The following DIS3L variants were observed in gnomAD, a reference collection of about 807,000 sequenced individuals.
The protein encoded by DIS3L is DIS3 like exosome 3'-5' exoribonuclease.
DIS3L carries 100 observed loss-of-function variants against 120.3 expected under a neutral mutation model. That is an observed-to-expected ratio of 0.83 (90% CI 0.71 to 0.98). The LOEUF (loss-of-function observed/expected upper bound fraction) is 0.98. Among genes scored for constraint, DIS3L ranks in the 50% least tolerant of loss-of-function variants. The probability of loss-of-function intolerance (pLI) is 0.00; values close to 1 mark genes in which losing one functional copy is unlikely to be tolerated. For missense variants in DIS3L, 1,196 were observed against 1,314.2 expected (o/e 0.91, Z 1.39); for synonymous variants, 426 against 470.6 (o/e 0.91, Z 1.23).
chr15:66,325,321 A>G (rs2092924455), intron 11 of DIS3L, among the ~76,000 whole-genome samples: 1 of 152,078 alleles, frequency 6.6e-6, no homozygotes, highest in Non-Finnish European at 1.5e-5. Flanking sequence ...TTGAACCAGG[A>G]AGAGGTAGGT....
Position 66,331,963 on chromosome 15 carries a change from T to C in DIS3L, c.2624T>C (p.Ile875Thr). The C allele has an allele frequency of 8.7e-6, 14 of 1,613,476 alleles. No individual in the cohort carries two copies. Among genetic ancestry groups the C allele is most frequent in the Non-Finnish European group, 1.1e-5 (13 of 1,179,732 alleles). The change falls in exon 15 of 17, where the codon ATA (isoleucine) becomes ACA (threonine). Residue 875 changes from isoleucine (I) to threonine (T), a missense_variant. Transcript: ENST00000319212. Reference protein sequence around the residue: ...DKDPATEERCISDGVIYSIRT... With the variant: ...DKDPATEERCTSDGVIYSIRT... Reference sequence around the variant, plus strand: ...GACCCTGCCACCGAGGAGCGTTGCATATCTGACGGAGTTATTTATTCAATT... The same window carrying C: ...GACCCTGCCACCGAGGAGCGTTGCACATCTGACGGAGTTATTTATTCAATT...
At chr15:66,330,556 A>C in intron 14 of DIS3L, 1 of 983,490 alleles carries the variant, frequency 1.0e-6, no homozygotes, top group Non-Finnish European at 1.2e-6. Flanking sequence ...AGCACTAGCC[A>C]TGTGGACTAC....
At chr15:66,303,379 C>T (rs1366964316) in intron 2 of DIS3L, among the ~76,000 whole-genome samples, 1 of 152,146 alleles carries the variant, frequency 6.6e-6, no homozygotes, top group Non-Finnish European at 1.5e-5. Context: ...TGGGGCACTG[C>T]CCTATCTATG....
Position 66,320,656 on chromosome 15 carries a change from T to C in DIS3L, c.1250T>C (p.Ile417Thr), listed in dbSNP as rs142873874. Residue 417 changes from isoleucine (I) to threonine (T), a missense_variant, in exon 9 of 17, where the codon ATC (isoleucine) becomes ACC (threonine). Ile to Thr is a moderately conservative substitution (Grantham distance 89, BLOSUM62 -1). Transcript: ENST00000319212. ...NGHFVRVLGRIGDLEGEIATI... is the reference protein window; with the variant it reads ...NGHFVRVLGRTGDLEGEIATI... ...CATTTTGTGCGTGTTTTAGGAAGAATCGGAGATCTGGAAGGGGAAATTGCA... is the reference window on the plus strand; with the variant it reads ...CATTTTGTGCGTGTTTTAGGAAGAACCGGAGATCTGGAAGGGGAAATTGCA... The C allele has an allele frequency of 2.1e-4, 338 of 1,614,034 alleles. No homozygotes were observed. The highest frequency in any genetic ancestry group is 2.7e-4 in the Non-Finnish European group (313 of 1,180,008).
chr15:66,299,541 A>G (rs1410768100), intron 2 of DIS3L, among the ~76,000 whole-genome samples: 5 of 142,012 alleles, frequency 3.5e-5, no homozygotes, highest in African/African-American at 1.0e-4. Flanking sequence ...GCAAAACTCC[A>G]TCTCAAAAAA....
rs1162761758 is a variant in DIS3L, at chr15:66,293,673, A to G, written c.77A>G (p.Tyr26Cys). ...ACGCTGCGGATCGTGCGCGAGCACT[A>G]CCTGCGGCCCTGCGTGCCCTGCCAC... ...GRTLRIVREHYLRPCVPCHSP... is the reference protein window; with the variant it reads ...GRTLRIVREHCLRPCVPCHSP... Residue 26 changes from tyrosine to cysteine, a missense_variant, in exon 1 of 17, where the codon TAC becomes TGC. Transcript: ENST00000319212. 2 of 1,416,878 alleles carry G rather than the reference A, an allele frequency of 1.4e-6. No homozygotes were observed. Among genetic ancestry groups the G allele is most frequent in the Non-Finnish European group, 1.8e-6 (2 of 1,082,862 alleles). The allele number at this position is 1,416,878 out of a possible 1,614,324, so 87.8% of individuals were successfully genotyped here.
rs199735660 is a variant in DIS3L, at chr15:66,329,056, C to T, written c.2288C>T (p.Thr763Met). 6.4e-5 allele frequency: 104 copies of T among 1,614,114 alleles called. No homozygotes were observed. Among genetic ancestry groups the T allele is most frequent in the African/African-American group, 1.5e-4 (11 of 74,940 alleles). Reference protein sequence around the residue: ...IVNRLLRSMATQAMSNALYFS... With the variant: ...IVNRLLRSMAMQAMSNALYFS... ...AACAGGCTACTGCGCTCCATGGCCACGCAGGCCATGTCGAATGCTCTGTAC... is the reference window on the plus strand; with the variant it reads ...AACAGGCTACTGCGCTCCATGGCCATGCAGGCCATGTCGAATGCTCTGTAC... The change falls in exon 13 of 17, where the codon ACG becomes ATG. Residue 763 changes from threonine to methionine, a missense_variant. Coordinates refer to ENST00000319212, the MANE Select transcript of DIS3L (RefSeq NM_001143688.3).
At chr15:66,316,162 C>T (rs530014068) in intron 7 of DIS3L, among the ~76,000 whole-genome samples, 29 of 152,188 alleles carry the variant, frequency 1.9e-4, no homozygotes, top group African/African-American at 2.7e-4. Context: ...TTCCCCTGGA[C>T]GTCTAATGGG....
chr15:66,330,378 A>T (rs1396700455), intron 14 of DIS3L: 1 of 985,154 alleles, frequency 1.0e-6, no homozygotes, highest in African/African-American at 1.7e-5. Flanking sequence ...ACACCATGTT[A>T]TATCATTGTT....
rs1284539039 is a variant in DIS3L at position 66,329,077 on chromosome 15, T to A, written c.2309T>A (p.Leu770Gln). Residue 770 changes from leucine to glutamine, a missense_variant, in exon 13 of 17, where the codon CTG becomes CAG. Transcript: ENST00000319212. ...GCCACGCAGGCCATGTCGAATGCTC[T>A]GTACTTCTCCACCGGATCCTGTGCG... ...SMATQAMSNALYFSTGSCAEE... is the reference protein window; with the variant it reads ...SMATQAMSNAQYFSTGSCAEE... 3 of 1,614,100 alleles carry A rather than the reference T, an allele frequency of 1.9e-6. No homozygotes were observed. Among genetic ancestry groups the A allele is most frequent in the Non-Finnish European group, 2.5e-6 (3 of 1,180,040 alleles).
intron 11 of DIS3L, among the ~76,000 whole-genome samples, chr15:66,324,128 T>C (rs1480558519): frequency 1.3e-5 from 2 of 152,230 alleles, no homozygotes; most frequent in Non-Finnish European, 2.9e-5. Flanking sequence ...TGAATATGCA[T>C]ATGTGATCTT....
chr15:66,294,861 G>T, intron 1 of DIS3L, 127 bp from the exon 2 acceptor site: 1 of 1,003,938 alleles, frequency 1.0e-6, no homozygotes. Context: ...AAGTAGATTT[G>T]TCTTTTAAAA....
At chr15:66,302,763 G>C (rs545130565) in intron 2 of DIS3L, among the ~76,000 whole-genome samples, 24 of 152,158 alleles carry the variant, frequency 1.6e-4, no homozygotes, top group African/African-American at 5.8e-4. Context: ...GAAATGGGTG[G>C]TTCTGTCTTA....
intron 5 of DIS3L, 116 bp from the exon 6 acceptor site, chr15:66,313,923 A>G: frequency 1.4e-6 from 1 of 718,036 alleles, no homozygotes; most frequent in Admixed American, 3.3e-5. Flanking sequence ...GGGATCACAA[A>G]CCTTAAAAGA....
intron 2 of DIS3L, among the ~76,000 whole-genome samples, chr15:66,299,215 CT>C (rs1417496016): frequency 6.6e-6 from 1 of 152,134 alleles, no homozygotes; most frequent in Admixed American, 6.6e-5. Flanking sequence ...TCAGGGAAAA[CT>C]TTTAAGCAAA....
chr15:66,306,754 A>T (rs2092706318), intron 2 of DIS3L, 70 bp from the exon 3 acceptor site: 4 of 1,591,602 alleles, frequency 2.5e-6, no homozygotes, highest in Admixed American at 1.7e-5. Context: ...TCCTTTTTTG[A>T]TCCTTAGCAA....
intron 8 of DIS3L, among the ~76,000 whole-genome samples, chr15:66,318,953 C>T (rs779001564): frequency 4.5e-4 from 69 of 152,064 alleles, no homozygotes; most frequent in Admixed American, 7.9e-4. Context: ...CCACCACGCC[C>T]GGCTAATTTT....
intron 2 of DIS3L, among the ~76,000 whole-genome samples, chr15:66,303,734 A>G (rs1443671917): frequency 6.6e-6 from 1 of 152,196 alleles, no homozygotes; most frequent in Non-Finnish European, 1.5e-5. Flanking sequence ...ATAAGTGCTC[A>G]TTCTTAAAAT....
intron 14 of DIS3L, 125 bp downstream of exon 14, chr15:66,329,524 T>G: frequency 7.4e-7 from 1 of 1,354,700 alleles, no homozygotes; most frequent in East Asian, 2.7e-5. Flanking sequence ...TTCTAACCAG[T>G]GCTTTCAGAA....
Sources: gnomAD v4.1 joint callset for allele counts (sites outside exome capture counted in the v4.1 genomes callset) on GRCh38, gnomAD v4.1.1 for gene constraint, MANE v1.5 for transcripts, NCBI Gene and HGNC (gene_info 2026-07-23, HGNC 2026-07-21) for gene names.